Variants in PLD4 observed in about 807,000 individuals in gnomAD.
PLD4 encodes the protein phospholipase D family member 4, also known as 5'-3' exonuclease PLD4.
A neutral mutation model predicts 52.3 loss-of-function variants in PLD4; 54 were observed. The observed-to-expected ratio is 1.03, with a 90% CI of 0.83 to 1.30. The LOEUF (loss-of-function observed/expected upper bound fraction) is 1.30, where lower values mean the gene tolerates loss of function less well. PLD4 is among the 50% of genes most tolerant of loss of function. PLD4 has a pLI of 0.00. For synonymous variants in PLD4, 264 were observed against 286.5 expected, an observed-to-expected ratio of 0.92 and a Z score of 0.79; for missense variants, 731 against 671.1, an observed-to-expected ratio of 1.09 and a Z score of -0.99.
chr14:104,927,095 C>T, intron 1 of PLD4, 46 bp from the exon 2 acceptor site: 2 of 1,498,612 alleles, frequency 1.3e-6, no homozygotes, highest in Non-Finnish European at 1.8e-6. Flanking sequence ...AGGGGCAGTT[C>T]TGGGCAGAGC....
intron 7 of PLD4, 92 bp downstream of exon 7, chr14:104,931,034 C>A: frequency 7.0e-7 from 1 of 1,418,750 alleles, no homozygotes; most frequent in South Asian, 1.2e-5. Context: ...GCCCTGCAGA[C>A]ACCAGCAGCA....
chr14:104,932,142 C>T lies in PLD4; in HGVS notation c.1189C>T (p.Leu397Phe). ...MFPYLRSLQALSNPAANVSVD... is the reference protein window; with the variant it reads ...MFPYLRSLQAFSNPAANVSVD... ...CCCCTACCTGCGGTCCCTGCAGGCG[C>T]TCAGCAACCCCGCGGCCAACGTCTC... Residue 397 changes from leucine to phenylalanine, a missense_variant, in exon 9 of 11, where the codon CTC (leucine) becomes TTC (phenylalanine). Physicochemically the swap from Leu to Phe is conservative, Grantham distance 22. Coordinates refer to ENST00000392593, the MANE Select transcript of PLD4 (RefSeq NM_138790.5). This position sits in a 1 kb window ranked among gnomAD's most constrained non-coding sequence, Gnocchi z 6.5. The T allele has an allele frequency of 6.2e-7, 1 of 1,611,336 alleles. No homozygotes were observed. Among genetic ancestry groups the T allele is most frequent in the Non-Finnish European group, 8.5e-7 (1 of 1,179,214 alleles).
chr14:104,929,501 A>G, intron 5 of PLD4, 74 bp downstream of exon 5: 1 of 1,470,788 alleles, frequency 6.8e-7, no homozygotes, highest in Non-Finnish European at 9.0e-7. Context: ...ACCACAGGAC[A>G]AGGAAAAGAA....
In PLD4 at chr14:104,928,809, C is replaced by T; in HGVS notation, c.345C>T (p.Ala115=). The change falls in exon 4 of 11, where the codon GCC becomes GCT. Residue 115 remains alanine (A), a synonymous_variant. Transcript: ENST00000392593. ...DLPSAAGSPS[A]QPLGQAWLQL... The stretch of plus-strand genomic sequence containing the variant: ...CATCTGCAGCCGGCAGCCCCTCTGC[C>T]CAGCCTCTGGGCCAGGCCTGGCTGC... The T allele has an allele frequency of 1.2e-6, 2 of 1,611,162 alleles. No homozygotes were observed. Among genetic ancestry groups the T allele is most frequent in the Non-Finnish European group, 1.7e-6 (2 of 1,178,700 alleles).
intron 5 of PLD4, 96 bp from the exon 6 acceptor site, chr14:104,929,882 G>A: frequency 2.1e-6 from 3 of 1,436,044 alleles, no homozygotes; most frequent in Non-Finnish European, 2.9e-6. Context: ...GAGGACATCT[G>A]AGTCAACCCC....
At chr14:104,929,676 G>T (rs1175231906) in intron 5 of PLD4, among the ~76,000 whole-genome samples, 1 of 152,196 alleles carries the variant, frequency 6.6e-6, no homozygotes, top group Non-Finnish European at 1.5e-5. Context: ...TCGGAGCCCT[G>T]CTGAGCCCAG....
chr14:104,932,920 C>A lies in PLD4; in HGVS notation c.1477C>A (p.Leu493Met). The A allele has an allele frequency of 6.2e-7, 1 of 1,601,866 alleles. No individual in the cohort carries two copies. The highest frequency in any genetic ancestry group is 8.5e-7 in the Non-Finnish European group (1 of 1,175,386). ...RDWSSRYAVG[L>M]DGQAPGQDCV... ...CTGGAGTTCGCGCTACGCCGTCGGCCTGGACGGACAGGCTCCGGGCCAGGA... is the reference window on the plus strand; with the variant it reads ...CTGGAGTTCGCGCTACGCCGTCGGCATGGACGGACAGGCTCCGGGCCAGGA... Residue 493 changes from leucine to methionine, a missense_variant, in exon 11 of 11, where the codon CTG becomes ATG. By Grantham distance (15) the Leu-to-Met change is conservative. Coordinates refer to ENST00000392593, the MANE Select transcript of PLD4 (RefSeq NM_138790.5). This position sits in a 1 kb window ranked among gnomAD's most constrained non-coding sequence, Gnocchi z 6.5.
Position 104,927,186 on chromosome 14 carries a change from T to C in PLD4, c.46T>C (p.Cys16Arg), listed in dbSNP as rs894037. 5.9e-3 allele frequency: 9,166 copies of C among 1,562,852 alleles called. 456 individuals are homozygous for C. The African/African-American group carries it at 0.11, about 18-fold the overall frequency. Residue 16 changes from cysteine (C) to arginine (R), a missense_variant, in exon 2 of 11, where the codon TGC (cysteine) becomes CGC (arginine). Coordinates refer to ENST00000392593, the MANE Select transcript of PLD4 (RefSeq NM_138790.5). ...WKAAVAPTWP[C>R]SMPPRRPWDR... is the part of the protein sequence containing the mutation. Reference sequence around the variant, plus strand: ...AGCAGCAGTGGCCCCCACATGGCCATGCTCCATGCCGCCCCGCCGCCCGTG... The same window carrying C: ...AGCAGCAGTGGCCCCCACATGGCCACGCTCCATGCCGCCCCGCCGCCCGTG...
In PLD4 at chr14:104,929,445, G is replaced by A. The variant is rs1314261530; in HGVS notation, c.589+18G>A. On this transcript the variant is annotated intron_variant, in intron 5 of 10. Coordinates refer to ENST00000392593, the MANE Select transcript of PLD4 (RefSeq NM_138790.5). ...TGCCCGAGGTGGGTACCTGCACCAT[G>A]CTGGGCACCACTGCCCTAGCGTCGG... The A allele has an allele frequency of 3.2e-6, 5 of 1,541,188 alleles. No homozygotes were observed. Among genetic ancestry groups the A allele is most frequent in the Non-Finnish European group, 4.4e-6 (5 of 1,141,320 alleles).
intron 1 of PLD4, among the ~76,000 whole-genome samples, chr14:104,926,532 C>T (rs1897461513): frequency 6.6e-6 from 1 of 152,232 alleles, no homozygotes; most frequent in Non-Finnish European, 1.5e-5. Context: ...CTGCCGCCAT[C>T]TCTGCCCTCT....
Position 104,931,868 on chromosome 14 carries a change from C to G in PLD4, c.1039C>G (p.Arg347Gly), listed in dbSNP as rs1397226584. 1 of 1,543,364 alleles carries G rather than the reference C, an allele frequency of 6.5e-7. No homozygotes were observed. The highest frequency in any genetic ancestry group is 2.3e-5 in the East Asian group (1 of 43,442). The change falls in exon 8 of 11, where the codon CGC becomes GGC. Residue 347 changes from arginine to glycine, a missense_variant. Transcript: ENST00000392593. The stretch of plus-strand genomic sequence containing the variant: ...CGTGATGGAGTATTTCCCCACCACG[C>G]GCTTCAGCCACCCCCCGAGGTAGGT... Reference protein sequence around the residue: ...ASVMEYFPTTRFSHPPRYWPV... With the variant: ...ASVMEYFPTTGFSHPPRYWPV...
In PLD4 at chr14:104,932,737, C is replaced by T. The variant is rs1180256996; in HGVS notation, c.1322-28C>T. ...CAGAGGGGCCTGTGGGAGCCGGCGC[C>T]CCAGTGTCTCCTCCATCCTCCCCGC... On this transcript the variant is annotated intron_variant, in intron 10 of 10. Transcript: ENST00000392593. This position sits in a 1 kb window ranked among gnomAD's most constrained non-coding sequence, Gnocchi z 6.5. 6.7e-7 allele frequency: 1 copy of T among 1,501,626 alleles called. No individual in the cohort carries two copies. The allele number at this position is 1,501,626 out of a possible 1,614,324, so 93.0% of individuals were successfully genotyped here.
chr14:104,934,679 AC>A (rs1897771871), downstream of PLD4: 1 of 151,240 alleles, frequency 6.6e-6, no homozygotes, highest in African/African-American at 2.4e-5. Flanking sequence ...TCCTTTTCCT[AC>A]CCTTCTCTAC....
chr14:104,935,622 C>T (rs1402603176), downstream of PLD4: 1 of 152,220 alleles, frequency 6.6e-6, no homozygotes, highest in Non-Finnish European at 1.5e-5. Context: ...AAGGGGATGT[C>T]ACTCCTGTGA....
Position 104,931,885 on chromosome 14 carries a change from G to A in PLD4, c.1056G>A (p.Pro352=). The change falls in exon 8 of 11, where the codon CCG becomes CCA. Residue 352 remains proline (P), a splice_region_variant and synonymous_variant. Transcript: ENST00000392593. ...CCACCACGCGCTTCAGCCACCCCCCGAGGTAGGTCTGAGTGGGAGGTGGGC... is the reference window on the plus strand; with the variant it reads ...CCACCACGCGCTTCAGCCACCCCCCAAGGTAGGTCTGAGTGGGAGGTGGGC... ...YFPTTRFSHP[P]RYWPVLDNAL... is the part of the protein sequence containing the mutation. 1 of 1,538,470 alleles carries A rather than the reference G, an allele frequency of 6.5e-7. No homozygotes were observed. Among genetic ancestry groups the A allele is most frequent in the Non-Finnish European group, 8.8e-7 (1 of 1,139,134 alleles).
chr14:104,927,291 A>T, intron 2 of PLD4, 61 bp downstream of exon 2: 2 of 1,381,846 alleles, frequency 1.4e-6, no homozygotes, highest in Non-Finnish European at 2.0e-6. Context: ...AAGAGCTCCG[A>T]GCCAGAGTGG....
chr14:104,932,236 C>T lies in PLD4; in HGVS notation c.1225-23C>T, dbSNP rs1339449639. On this transcript the variant is annotated intron_variant, in intron 9 of 10. Coordinates refer to ENST00000392593, the MANE Select transcript of PLD4 (RefSeq NM_138790.5). The surrounding 1 kb of genome is among the most constrained non-coding windows in gnomAD (Gnocchi z 6.5). ...GCGGCCCTCCTGCCGCCCTTCCTGA[C>T]GCGCTGCCTCTGCTCCCCTAAGAAA... The T allele has an allele frequency of 2.5e-6, 4 of 1,612,514 alleles. No homozygotes were observed. In the Admixed American group the frequency reaches 5.0e-5, roughly 20 times the overall value.
At chr14:104,925,377 C>T (rs1157834582) in intron 1 of PLD4, among the ~76,000 whole-genome samples, 1 of 152,208 alleles carries the variant, frequency 6.6e-6, no homozygotes, top group African/African-American at 2.4e-5. Flanking sequence ...GCTGGCGGTC[C>T]TCCCAGGTTC....
In PLD4 at chr14:104,928,744, C is replaced by T. The variant is rs1423231721; in HGVS notation, c.285-5C>T. The T allele has an allele frequency of 6.4e-7, 1 of 1,571,288 alleles. No individual in the cohort carries two copies. The highest frequency in any genetic ancestry group is 1.1e-5 in the South Asian group (1 of 87,422). On this transcript the variant is annotated splice_region_variant and splice_polypyrimidine_tract_variant and intron_variant, in intron 3 of 10. Transcript: ENST00000392593. The stretch of plus-strand genomic sequence containing the variant: ...ATACTGAGCCCAGTGTGGCTCTCCC[C>T]ACAGGCTTGTCCTTGTGGAAAGCAT...
Sources: gnomAD v4.1 joint callset for allele counts (sites outside exome capture counted in the v4.1 genomes callset) on GRCh38, gnomAD v4.1.1 for gene constraint, Gnocchi (gnomAD v3.1) non-coding constraint, MANE v1.5 for transcripts, NCBI Gene and HGNC (gene_info 2026-07-23, HGNC 2026-07-21) for gene names.